The following MCUR1 variants were observed in gnomAD, a reference collection of about 807,000 sequenced individuals.
The protein encoded by MCUR1 is MCU regulator 1.
Under a neutral mutation model 42.0 loss-of-function variants are expected in MCUR1, and 37 were observed. The observed-to-expected ratio is 0.88, with a 90% confidence interval of 0.68 to 1.16. The LOEUF (loss-of-function observed/expected upper bound fraction) is 1.16. Among genes scored for constraint, MCUR1 ranks in the 50% most tolerant of loss-of-function variants. The pLI is 0.00. For synonymous variants in MCUR1, 229 were observed against 196.2 expected, an observed-to-expected ratio of 1.17 and a Z score of -1.40; for missense variants, 469 against 468.4, an observed-to-expected ratio of 1.00 and a Z score of -0.01.
chr6:13,802,420 GA>G, intron 2 of MCUR1, 74 bp from the exon 3 acceptor site: 1 of 1,175,514 alleles, frequency 8.5e-7, no homozygotes, highest in African/African-American at 1.5e-5. Context: ...ACATTCATGT[GA>G]ATGTCCAAAT....
At position 13,793,875 on chromosome 6, in the gene MCUR1, T is replaced by C; in HGVS notation, c.909+19A>G. ...AGATGAGTACAAAGACAAAGAAAAA[T>C]CACAGTCTTGTTTCTTACCAATGCC... On this transcript the variant is annotated intron_variant, in intron 7 of 8. Transcript: ENST00000379170. The C allele has an allele frequency of 4.4e-6, 7 of 1,609,074 alleles. No individual in the cohort carries two copies. The highest frequency in any genetic ancestry group is 1.1e-5 in the South Asian group (1 of 90,970).
intron 3 of MCUR1, 49 bp from the exon 4 acceptor site, chr6:13,801,438 C>T (rs1404014828): frequency 3.7e-5 from 47 of 1,275,398 alleles, no homozygotes; most frequent in Non-Finnish European, 5.1e-5. Flanking sequence ...CTAAAAAGTC[C>T]ACTTCCTATC....
rs147811464 is a variant in MCUR1 at position 13,788,151 on chromosome 6, G to A, written c.*2658C>T. On this transcript the variant is annotated 3_prime_UTR_variant, in exon 9 of 9. Transcript: ENST00000379170. ...GCCTGCCTTGGCCTCCCAAAGTGCT[G>A]GGATTATAGGCATGAGCCACCGCAC... 4.6e-3 allele frequency: 694 copies of A among 152,372 alleles called. 6 individuals are homozygous for A. Among genetic ancestry groups the A allele is most frequent in the Non-Finnish European group, 4.2e-3 (289 of 68,090 alleles). 9.4% of individuals were successfully genotyped at this position (152,372 alleles called of 1,614,324 possible).
chr6:13,813,460 T>C (rs1012946382), intron 1 of MCUR1, among the ~76,000 whole-genome samples: 1 of 152,234 alleles, frequency 6.6e-6, no homozygotes, highest in African/African-American at 2.4e-5. Context: ...CACACACATA[T>C]TTACTGCGTC....
chr6:13,798,484 CAACTT>C (rs1584984966), intron 6 of MCUR1, among the ~76,000 whole-genome samples: 1 of 151,938 alleles, frequency 6.6e-6, no homozygotes, highest in Non-Finnish European at 1.5e-5. Context: ...CTGAAATAAT[CAACTT>C]AACTTTTACA....
Position 13,794,077 on chromosome 6 carries a change from AG to A in MCUR1, c.856-131del. On this transcript the variant is annotated intron_variant, in intron 6 of 8. Transcript: ENST00000379170. ...CACCAGAAAGTCACCTCTGGGATTA[AG>A]TAGCCTACCTGCTTCTTTATATGTG... is the stretch of plus-strand genomic sequence containing the variant. 3 of 722,498 alleles carry A rather than the reference AG, an allele frequency of 4.2e-6. No homozygotes were observed. In the South Asian group the frequency reaches 5.1e-5, roughly 12 times the overall value. The allele number at this position is 722,498 out of a possible 1,614,324, so 44.8% of individuals were successfully genotyped here. A position where few individuals can be genotyped will look rare whatever the true frequency, so the allele number is the denominator to read the frequency against.
chr6:13,808,661 C>A (rs755077621), intron 1 of MCUR1, among the ~76,000 whole-genome samples: 8 of 152,148 alleles, frequency 5.3e-5, no homozygotes, highest in Admixed American at 2.0e-4. Context: ...ACATTGAGGT[C>A]TTTTCCTCAT....
At chr6:13,798,308 G>T (rs1759902559) in intron 6 of MCUR1, among the ~76,000 whole-genome samples, 1 of 151,930 alleles carries the variant, frequency 6.6e-6, no homozygotes, top group South Asian at 2.1e-4. Flanking sequence ...TGTTGGGCAG[G>T]CACGCTGCCT....
intron 2 of MCUR1, 28 bp from the exon 3 acceptor site, chr6:13,802,374 C>T: frequency 1.3e-6 from 2 of 1,582,154 alleles, no homozygotes; most frequent in African/African-American, 1.3e-5. Flanking sequence ...CAAAAAAAAT[C>T]ATGCTCAGAG....
intron 5 of MCUR1, among the ~76,000 whole-genome samples, chr6:13,799,877 G>A (rs934451774): frequency 2.1e-5 from 3 of 141,816 alleles, no homozygotes; most frequent in Non-Finnish European, 4.5e-5. Flanking sequence ...TGTTACCACG[G>A]CTGGAGTGCA....
At chr6:13,807,881 T>C (rs556803211) in intron 1 of MCUR1, among the ~76,000 whole-genome samples, 2 of 152,368 alleles carry the variant, frequency 1.3e-5, no homozygotes, top group South Asian at 2.1e-4. Context: ...TGATGACTAA[T>C]GATGCTGAGC....
Position 13,807,033 on chromosome 6 carries a change from A to G in MCUR1, c.427T>C (p.Ser143Pro), listed in dbSNP as rs779079362. The G allele has an allele frequency of 6.2e-7, 1 of 1,612,034 alleles. No individual in the cohort carries two copies. Among genetic ancestry groups the G allele is most frequent in the Non-Finnish European group, 8.5e-7 (1 of 1,178,716 alleles). The change falls in exon 2 of 9, where the codon TCT becomes CCT. Residue 143 changes from serine to proline, a missense_variant. By Grantham distance (74) the Ser-to-Pro change is moderately conservative. Coordinates refer to ENST00000379170, the MANE Select transcript of MCUR1 (RefSeq NM_001031713.4). ...CGCTCCAGCTGCAGGGATCCAGCAG[A>G]CAAGCTTAGCTCTAGGGTGGAAAGG... ...LVSCRRELSL[S>P]AGSLQLERKR... is the part of the protein sequence containing the mutation.
Position 13,814,274 on chromosome 6 carries a change from C to A in MCUR1, c.156G>T (p.Leu52=). The change falls in exon 1 of 9, where the codon CTG becomes CTT. Residue 52 remains leucine (L), a synonymous_variant. Transcript: ENST00000379170. Reference sequence around the variant, plus strand: ...CGCGGGCCGCCGGGGCGCGAGGGCGCAGCGCCCCCAGACCGTCGGAGAGCG... The same window carrying A: ...CGCGGGCCGCCGGGGCGCGAGGGCGAAGCGCCCCCAGACCGTCGGAGAGCG... ...LSALSDGLGA[L]RPRAPAARGG... 6.8e-7 allele frequency: 1 copy of A among 1,479,330 alleles called. No homozygotes were observed. Among genetic ancestry groups the A allele is most frequent in the African/African-American group, 1.5e-5 (1 of 68,314 alleles). The allele number at this position is 1,479,330 out of a possible 1,614,324, so 91.6% of individuals were successfully genotyped here.
At chr6:13,797,966 T>C (rs1759894678) in intron 6 of MCUR1, among the ~76,000 whole-genome samples, 2 of 151,742 alleles carry the variant, frequency 1.3e-5, no homozygotes, top group East Asian at 1.9e-4. Flanking sequence ...GAGGTTGCAG[T>C]GGGCAGACAC....
Position 13,798,885 on chromosome 6 carries a change from C to A in MCUR1, c.803G>T (p.Arg268Leu). 1 of 1,608,176 alleles carries A rather than the reference C, an allele frequency of 6.2e-7. No individual in the cohort carries two copies. Among genetic ancestry groups the A allele is most frequent in the South Asian group, 1.1e-5 (1 of 90,726 alleles). ...GTTGAAGTCTAATTTGGTATCTGTTCGGACTTTGATCACTTCATCCTAAAA... is the reference window on the plus strand; with the variant it reads ...GTTGAAGTCTAATTTGGTATCTGTTAGGACTTTGATCACTTCATCCTAAAA... Reference protein sequence around the residue: ...QQVMDEVIKVRTDTKLDFNLE... With the variant: ...QQVMDEVIKVLTDTKLDFNLE... The change falls in exon 6 of 9, where the codon CGA becomes CTA. Residue 268 changes from arginine (R) to leucine (L), a missense_variant. By Grantham distance (102) the Arg-to-Leu change is moderately radical. Coordinates refer to ENST00000379170, the MANE Select transcript of MCUR1 (RefSeq NM_001031713.4).
chr6:13,809,986 T>C (rs1216930710), intron 1 of MCUR1, among the ~76,000 whole-genome samples: 3 of 151,990 alleles, frequency 2.0e-5, no homozygotes, highest in African/African-American at 7.2e-5. Context: ...AGATGGATCA[T>C]GAGGTCAGGC....
In MCUR1 at chr6:13,789,649, T is replaced by C. The variant is rs1759680456; in HGVS notation, c.*1160A>G. The C allele has an allele frequency of 6.6e-6, 1 of 152,200 alleles. No homozygotes were observed. Among genetic ancestry groups the C allele is most frequent in the African/African-American group, 2.4e-5 (1 of 41,448 alleles). The allele number at this position is 152,200 out of a possible 1,614,324, so 9.4% of individuals were successfully genotyped here. The stretch of plus-strand genomic sequence containing the variant: ...ATCCATCATCTAGGTATCTTATACA[T>C]GGAGAGCTGACTGCATCCCTTGTAT... On this transcript the variant is annotated 3_prime_UTR_variant, in exon 9 of 9. Transcript: ENST00000379170.
chr6:13,805,771 T>A (rs925231910), intron 2 of MCUR1, among the ~76,000 whole-genome samples: 1 of 152,226 alleles, frequency 6.6e-6, no homozygotes, highest in African/African-American at 2.4e-5. Context: ...TTACACTATT[T>A]TGAAATTCTG....
rs1424624596 is a variant in MCUR1 at position 13,800,350 on chromosome 6, T to C, written c.774A>G (p.Gln258=). The C allele has an allele frequency of 6.3e-7, 1 of 1,574,936 alleles. No individual in the cohort carries two copies. Among genetic ancestry groups the C allele is most frequent in the East Asian group, 2.3e-5 (1 of 44,358 alleles). ...KIKLELHQLK[Q]QVMDEVIKVR... is the part of the protein sequence containing the mutation. ...GGAAAGTGAATCTTACCATTACTTG[T>C]TGTTTTAACTGATGTAGTTCGAGTT... The change falls in exon 5 of 9, where the codon CAA becomes CAG. Residue 258 remains glutamine (Q), a synonymous_variant. Transcript: ENST00000379170.
Sources: allele counts gnomAD v4.1 joint callset (sites outside exome capture counted in the v4.1 genomes callset), GRCh38; gene constraint gnomAD v4.1.1; transcripts MANE v1.5; gene names NCBI Gene and HGNC (gene_info 2026-07-23, HGNC 2026-07-21).